Variants in PHF24 observed in about 807,000 individuals in gnomAD.
PHF24 encodes the protein Galpha inhibitory interacting protein.
PHF24 carries 25 observed loss-of-function variants against 42.6 expected under a neutral mutation model. The observed-to-expected ratio is 0.59, with a 90% confidence interval of 0.43 to 0.82. PHF24 has a LOEUF of 0.82. Ranked by LOEUF, PHF24 falls within the 40% of genes least tolerant of loss-of-function variation. The pLI is 0.00. For synonymous variants in PHF24, 185 were observed against 204.8 expected, an observed-to-expected ratio of 0.90 and a Z score of 0.83; for missense variants, 470 against 538.1, an observed-to-expected ratio of 0.87 and a Z score of 1.25.
the PHF24 span, among the ~76,000 whole-genome samples, chr9:34,762,383 G>GC: frequency 2.0e-5 from 3 of 150,954 alleles, no homozygotes; most frequent in Non-Finnish European, 4.4e-5. Context: ...TTTAATGATT[G>GC]CCATTCTAAC....
At chr9:34,927,456 G>C in the PHF24 span, among the ~76,000 whole-genome samples, 1 of 152,154 alleles carries the variant, frequency 6.6e-6, no homozygotes. Flanking sequence ...GGAATGGGGA[G>C]TGCACACCTT....
the PHF24 span, among the ~76,000 whole-genome samples, chr9:34,879,768 A>C: frequency 5.9e-5 from 9 of 152,224 alleles, no homozygotes; most frequent in Admixed American, 5.9e-4. Context: ...CAAGTTGGAA[A>C]ACACTCTTCA....
the PHF24 span, among the ~76,000 whole-genome samples, chr9:34,719,974 A>C: frequency 6.6e-6 from 1 of 152,188 alleles, no homozygotes; most frequent in African/African-American, 2.4e-5. Flanking sequence ...CAGAGCAGGG[A>C]CATATCCATG....
At chr9:34,978,186 C>A in exon 8 of PHF24, 1 of 1,163,902 alleles carries the variant, frequency 8.6e-7, no homozygotes, top group Non-Finnish European at 1.3e-6. Context: ...CCCCACCAAC[C>A]TCTGGCACAG....
At chr9:34,676,955 C>T in the PHF24 span, among the ~76,000 whole-genome samples, 2 of 152,226 alleles carry the variant, frequency 1.3e-5, no homozygotes, top group South Asian at 2.1e-4. Flanking sequence ...AATCACCTCC[C>T]GCCAGGCCCT....
chr9:34,879,284 A>G, the PHF24 span, among the ~76,000 whole-genome samples: 1 of 152,310 alleles, frequency 6.6e-6, no homozygotes, highest in East Asian at 1.9e-4. Flanking sequence ...CTGAAATTCT[A>G]AAAATCAGAG....
chr9:34,966,208 G>A (rs143382639), intron 1 of PHF24, among the ~76,000 whole-genome samples: 179 of 152,222 alleles, frequency 1.2e-3, no homozygotes, highest in African/African-American at 3.9e-3. Flanking sequence ...CCCTCCTCCC[G>A]GAGTTTCTGA....
At chr9:34,724,498 C>T in the PHF24 span, 10 of 1,551,548 alleles carry the variant, frequency 6.4e-6, no homozygotes, top group African/African-American at 1.2e-4. Flanking sequence ...CAGTTTGTTC[C>T]CTGGACTTCC....
At chr9:34,941,396 T>G in the PHF24 span, among the ~76,000 whole-genome samples, 1 of 152,196 alleles carries the variant, frequency 6.6e-6, no homozygotes, top group Admixed American at 6.5e-5. Flanking sequence ...GTCTGGATGC[T>G]AATGCTCTGT....
chr9:34,970,106 G>A (rs1385736280), intron 1 of PHF24, among the ~76,000 whole-genome samples: 1 of 152,168 alleles, frequency 6.6e-6, no homozygotes, highest in Non-Finnish European at 1.5e-5. Context: ...TGATTAGAAT[G>A]GATTGAGAGC....
At chr9:34,735,364 T>A in the PHF24 span, among the ~76,000 whole-genome samples, 1 of 151,400 alleles carries the variant, frequency 6.6e-6, no homozygotes, top group Non-Finnish European at 1.5e-5. Context: ...CTTGAACTCC[T>A]GACTTTGTGA....
the PHF24 span, among the ~76,000 whole-genome samples, chr9:34,846,772 T>C: frequency 6.6e-6 from 1 of 152,252 alleles, no homozygotes; most frequent in Non-Finnish European, 1.5e-5. Context: ...GAATTAATTT[T>C]TGTATAAGGT....
chr9:34,857,515 C>T, the PHF24 span, among the ~76,000 whole-genome samples: 1 of 152,204 alleles, frequency 6.6e-6, no homozygotes, highest in South Asian at 2.1e-4. Context: ...CAGGGTCACA[C>T]AATCACTCAC....
the PHF24 span, chr9:34,838,369 A>T: frequency 1.1e-6 from 1 of 939,612 alleles, no homozygotes; most frequent in Non-Finnish European, 1.7e-6. Flanking sequence ...GCTCCTTTCA[A>T]CTTCCAAGTT....
At chr9:34,740,270 G>A in the PHF24 span, among the ~76,000 whole-genome samples, 1 of 152,250 alleles carries the variant, frequency 6.6e-6, no homozygotes, top group African/African-American at 2.4e-5. Flanking sequence ...ATGGGACTGG[G>A]CGCCATGGAG....
At chr9:34,765,187 G>T in the PHF24 span, among the ~76,000 whole-genome samples, 1 of 152,048 alleles carries the variant, frequency 6.6e-6, no homozygotes, top group African/African-American at 2.4e-5. Context: ...TTGATTTGGG[G>T]TGGAGAGTTC....
chr9:34,835,781 G>T, the PHF24 span: 2 of 1,550,030 alleles, frequency 1.3e-6, no homozygotes, highest in African/African-American at 1.4e-5. Context: ...TCTGTTAATT[G>T]TGACAGTGTT....
At chr9:34,850,399 T>A in the PHF24 span, among the ~76,000 whole-genome samples, 7 of 152,232 alleles carry the variant, frequency 4.6e-5, no homozygotes, top group Non-Finnish European at 1.0e-4. Context: ...CTCATCGGCT[T>A]CTGAGGCTTC....
At chr9:34,734,995 C>T in the PHF24 span, among the ~76,000 whole-genome samples, 1 of 152,150 alleles carries the variant, frequency 6.6e-6, no homozygotes, top group Non-Finnish European at 1.5e-5. Flanking sequence ...AAAACCCAAA[C>T]ACAGCTCAGC....
Sources: gnomAD v4.1 joint callset for allele counts (sites outside exome capture counted in the v4.1 genomes callset) on GRCh38, gnomAD v4.1.1 for gene constraint, MANE v1.5 for transcripts, NCBI Gene and HGNC (gene_info 2026-07-23, HGNC 2026-07-21) for gene names.